Variants in NRG1 observed in about 807,000 individuals in gnomAD.
NRG1 encodes neuregulin 1, also known as pro-neuregulin-1, membrane-bound isoform.
Under a neutral mutation model 63.8 loss-of-function variants are expected in NRG1, and 18 were observed. The observed-to-expected ratio is 0.28, with a 90% CI of 0.19 to 0.42. The LOEUF (loss-of-function observed/expected upper bound fraction) is 0.42, where lower values mean the gene tolerates loss of function less well. Among genes scored for constraint, NRG1 ranks in the 10% least tolerant of loss-of-function variants. The probability of loss-of-function intolerance (pLI) is 1.00; values close to 1 mark genes in which losing one functional copy is unlikely to be tolerated. For synonymous variants in NRG1, 302 were observed against 301.3 expected (o/e 1.00, Z -0.02); for missense variants, 762 against 814.7 (o/e 0.94, Z 0.79).
At chr8:31,929,310 C>A (rs1187285543) in intron 1 of NRG1, among the ~76,000 whole-genome samples, 1 of 152,046 alleles carries the variant, frequency 6.6e-6, no homozygotes, top group Non-Finnish European at 1.5e-5. Flanking sequence ...GTAGTTCTAG[C>A]TCTTAATAAA....
At chr8:32,511,775 T>C (rs1829249693) in intron 1 of NRG1, among the ~76,000 whole-genome samples, 1 of 152,108 alleles carries the variant, frequency 6.6e-6, no homozygotes, top group South Asian at 2.1e-4. Context: ...AAGGCAAAGA[T>C]GTGCTTTAAA....
At chr8:32,440,257 A>G (rs567402091) in intron 1 of NRG1, among the ~76,000 whole-genome samples, 5 of 152,256 alleles carry the variant, frequency 3.3e-5, no homozygotes, top group African/African-American at 7.2e-5. Flanking sequence ...TGTGGGGACT[A>G]CAATTCTAGA....
At chr8:32,520,674 G>T (rs957902973) in intron 1 of NRG1, among the ~76,000 whole-genome samples, 1 of 152,210 alleles carries the variant, frequency 6.6e-6, no homozygotes, top group African/African-American at 2.4e-5. Context: ...TGAGAATACA[G>T]TAGTCCCCCC....
At chr8:31,770,870 A>G (rs1248845539) in intron 1 of NRG1, among the ~76,000 whole-genome samples, 3 of 151,704 alleles carry the variant, frequency 2.0e-5, no homozygotes, top group Admixed American at 6.6e-5. Flanking sequence ...TGCTACGGAC[A>G]GTTCCCACAG....
chr8:32,038,551 T>G (rs1161352033), intron 1 of NRG1, among the ~76,000 whole-genome samples: 1 of 152,154 alleles, frequency 6.6e-6, no homozygotes, highest in Non-Finnish European at 1.5e-5. Context: ...TTTTGTTTTA[T>G]TTTGCTTTCT....
chr8:32,607,761 G>C lies in NRG1; in HGVS notation c.400+2078G>C, dbSNP rs1308740621. 6.6e-5 allele frequency among the ~76,000 whole-genome samples: 10 copies of C among 152,216 alleles called. No individual in the cohort carries two copies. In the East Asian group the frequency reaches 9.7e-4, roughly 15 times the overall value. The stretch of plus-strand genomic sequence containing the variant: ...GAGAGATGAAACTCGAGGTGTTTTT[G>C]ATAATGAGTCTTTTTTACCTGGCAA... On this transcript the variant is annotated intron_variant, in intron 3 of 11. Coordinates refer to ENST00000356819, the Ensembl canonical transcript of NRG1.
intron 1 of NRG1, among the ~76,000 whole-genome samples, chr8:32,156,938 TAAAA>T (rs1178965576): frequency 6.6e-6 from 1 of 151,942 alleles, no homozygotes; most frequent in Admixed American, 6.6e-5. Context: ...CCCTATCTCT[TAAAA>T]AAAGTTCTAG....
intron 1 of NRG1, among the ~76,000 whole-genome samples, chr8:32,363,605 A>C (rs1341550222): frequency 6.6e-6 from 1 of 152,150 alleles, no homozygotes; most frequent in East Asian, 1.9e-4. Context: ...AGCAAATAGC[A>C]TTTGGGCAAA....
chr8:31,912,611 C>A, intron 1 of NRG1, among the ~76,000 whole-genome samples: 1 of 128,312 alleles, frequency 7.8e-6, no homozygotes, highest in Admixed American at 8.9e-5. Flanking sequence ...GGTTAGAAGA[C>A]TAGAATGACG....
chr8:32,381,949 T>C (rs968490932), intron 1 of NRG1, among the ~76,000 whole-genome samples: 21 of 152,202 alleles, frequency 1.4e-4, no homozygotes, highest in Non-Finnish European at 8.8e-5. Context: ...AAAAGCATTT[T>C]AAAAGTGAGA....
At chr8:32,261,783 T>TATCTGAGTGTTAATATATGCATGTA in intron 1 of NRG1, among the ~76,000 whole-genome samples, 1 of 152,336 alleles carries the variant, frequency 6.6e-6, no homozygotes, top group South Asian at 2.1e-4. Flanking sequence ...TTGGGACTTA[T>TATCTGAGTGTTAATATATGCATGTA]ATCTGAGTGT....
chr8:32,214,407 A>C (rs1329943573), intron 1 of NRG1, among the ~76,000 whole-genome samples: 1 of 152,250 alleles, frequency 6.6e-6, no homozygotes, highest in East Asian at 1.9e-4. Context: ...CATGCTGCAT[A>C]AAACCTATTT....
chr8:32,025,479 T>A (rs1267238265), intron 1 of NRG1, among the ~76,000 whole-genome samples: 1 of 152,232 alleles, frequency 6.6e-6, no homozygotes, highest in Non-Finnish European at 1.5e-5. Context: ...ATATTTTAAT[T>A]TAACAGAAGG....
intron 1 of NRG1, among the ~76,000 whole-genome samples, chr8:32,242,033 G>T (rs1008362176): frequency 1.3e-5 from 2 of 152,136 alleles, no homozygotes; most frequent in Non-Finnish European, 2.9e-5. Context: ...GATTACAGGT[G>T]TGAGCCTCCA....
At chr8:32,291,163 T>G (rs1854152460) in intron 1 of NRG1, among the ~76,000 whole-genome samples, 1 of 152,192 alleles carries the variant, frequency 6.6e-6, no homozygotes, top group Non-Finnish European at 1.5e-5. Flanking sequence ...TCTTCGTGTC[T>G]TCAACTGACT....
intron 1 of NRG1, among the ~76,000 whole-genome samples, chr8:32,125,107 T>G (rs1426178332): frequency 6.6e-6 from 1 of 151,902 alleles, no homozygotes; most frequent in Admixed American, 6.6e-5. Flanking sequence ...ACATAGCATT[T>G]GCACCTTCTA....
chr8:31,907,624 TTTTG>T (rs977500367), intron 1 of NRG1, among the ~76,000 whole-genome samples: 70 of 152,144 alleles, frequency 4.6e-4, no homozygotes, highest in African/African-American at 1.3e-3. Flanking sequence ...AGTGAATAGG[TTTTG>T]TTTGTTTGTT....
At chr8:32,624,923 G>T (rs577103691) in intron 5 of NRG1, among the ~76,000 whole-genome samples, 1 of 152,104 alleles carries the variant, frequency 6.6e-6, no homozygotes, top group Non-Finnish European at 1.5e-5. Context: ...TGTTGATTAG[G>T]GTTTGGGTGT....
intron 1 of NRG1, among the ~76,000 whole-genome samples, chr8:32,102,702 G>C (rs1310429942): frequency 6.6e-6 from 1 of 152,134 alleles, no homozygotes; most frequent in Admixed American, 6.6e-5. Context: ...AAGGACATTG[G>C]ATTGAATGTC....
Sources: allele counts gnomAD v4.1 joint callset (sites outside exome capture counted in the v4.1 genomes callset), GRCh38; gene constraint gnomAD v4.1.1; transcripts MANE v1.5; gene names NCBI Gene and HGNC (gene_info 2026-07-23, HGNC 2026-07-21).